Variants in MAP3K5 observed in about 807,000 individuals in gnomAD.
The protein encoded by MAP3K5 is mitogen-activated protein kinase kinase kinase 5.
Under a neutral mutation model 158.7 loss-of-function variants are expected in MAP3K5, and 56 were observed. That is an observed-to-expected ratio of 0.35 (90% CI 0.28 to 0.44). The LOEUF is 0.44. Ranked by LOEUF, MAP3K5 falls within the 20% of genes least tolerant of loss-of-function variation. MAP3K5 has a pLI of 1.00. For missense variants in MAP3K5, 1,294 were observed against 1,674.8 expected (o/e 0.77, Z 3.97); for synonymous variants, 579 against 601.7 (o/e 0.96, Z 0.55).
At chr6:136,687,042 A>G (rs1780179411) in intron 7 of MAP3K5, among the ~76,000 whole-genome samples, 1 of 152,228 alleles carries the variant, frequency 6.6e-6, no homozygotes, top group Non-Finnish European at 1.5e-5. Context: ...GGCTACAGTA[A>G]CCAAAACATC....
At position 136,645,125 on chromosome 6, in the gene MAP3K5, G is replaced by A. The variant is rs185436197; in HGVS notation, c.1789-2556C>T. Among the ~76,000 whole-genome samples the A allele has an allele frequency of 1.4e-3, 215 of 152,082 alleles. 1 individual carries two copies. Among genetic ancestry groups the A allele is most frequent in the African/African-American group, 5.0e-3 (207 of 41,502 alleles). Reference sequence around the variant, plus strand: ...TTTAAATTTTTTTGTAGAGACGGGGGTCTTGCTACATTGCTCAGGCTGGTC... The same window carrying A: ...TTTAAATTTTTTTGTAGAGACGGGGATCTTGCTACATTGCTCAGGCTGGTC... On this transcript the variant is annotated intron_variant, in intron 11 of 29. Coordinates refer to ENST00000359015, the MANE Select transcript of MAP3K5 (RefSeq NM_005923.4).
intron 1 of MAP3K5, among the ~76,000 whole-genome samples, chr6:136,769,764 GAA>G (rs1456989735): frequency 0.062 from 2,446 of 39,670 alleles, 129 homozygotes; most frequent in African/African-American, 0.14. Context: ...AGGAAGGAAG[GAA>G]GGAAGGAAGG....
At chr6:136,588,949 G>A (rs1452085898) in intron 23 of MAP3K5, among the ~76,000 whole-genome samples, 1 of 152,214 alleles carries the variant, frequency 6.6e-6, no homozygotes, top group Admixed American at 6.5e-5. Flanking sequence ...TTGAGAGTGT[G>A]TAGAAAACAC....
At chr6:136,689,682 ACT>A (rs1780306086) in intron 7 of MAP3K5, among the ~76,000 whole-genome samples, 1 of 151,836 alleles carries the variant, frequency 6.6e-6, no homozygotes, top group Non-Finnish European at 1.5e-5. Context: ...CCATTTGCCC[ACT>A]CTCTCTTTCC....
intron 1 of MAP3K5, among the ~76,000 whole-genome samples, chr6:136,759,680 C>T (rs1783658365): frequency 6.6e-6 from 1 of 151,254 alleles, no homozygotes; most frequent in Non-Finnish European, 1.5e-5. Context: ...GCCATATTGC[C>T]CAGGCTCATC....
intron 1 of MAP3K5, among the ~76,000 whole-genome samples, chr6:136,744,044 G>A (rs1298712322): frequency 1.3e-5 from 2 of 152,150 alleles, no homozygotes; most frequent in East Asian, 3.8e-4. Flanking sequence ...AAGATTTTTA[G>A]GGCAGTGCAA....
intron 13 of MAP3K5, among the ~76,000 whole-genome samples, chr6:136,637,893 T>C (rs898710733): frequency 3.3e-5 from 5 of 152,128 alleles, no homozygotes; most frequent in African/African-American, 1.2e-4. Context: ...AAAGTTCCCC[T>C]AACACAACTC....
chr6:136,671,953 A>G lies in MAP3K5; in HGVS notation c.1254-2558T>C, dbSNP rs559510653. ...CTATAGAAATTTTTTAAAACTATGTATAACTCTTAACAATTATACATTTAC... is the reference window on the plus strand; with the variant it reads ...CTATAGAAATTTTTTAAAACTATGTGTAACTCTTAACAATTATACATTTAC... On this transcript the variant is annotated intron_variant, in intron 7 of 29. Coordinates refer to ENST00000359015, the MANE Select transcript of MAP3K5 (RefSeq NM_005923.4). Among the ~76,000 whole-genome samples, 3 of 152,286 alleles carry G rather than the reference A, an allele frequency of 2.0e-5. No individual in the cohort carries two copies. In the East Asian group the frequency reaches 5.8e-4, roughly 29 times the overall value.
chr6:136,683,382 G>C (rs1468194115), intron 7 of MAP3K5, among the ~76,000 whole-genome samples: 1 of 152,182 alleles, frequency 6.6e-6, no homozygotes, highest in Non-Finnish European at 1.5e-5. Context: ...AGCTAATCTG[G>C]GTTGGTCTTG....
chr6:136,646,667 G>A (rs949112890), intron 11 of MAP3K5, among the ~76,000 whole-genome samples: 1 of 152,000 alleles, frequency 6.6e-6, no homozygotes, highest in Admixed American at 6.6e-5. Flanking sequence ...TCCTGCTCTC[G>A]TCTCCATAAT....
intron 1 of MAP3K5, among the ~76,000 whole-genome samples, chr6:136,741,592 T>G (rs1270977138): frequency 6.6e-6 from 1 of 151,216 alleles, no homozygotes; most frequent in Non-Finnish European, 1.5e-5. Flanking sequence ...AGGGCAAAGC[T>G]GTCCCCTGTC....
intron 1 of MAP3K5, among the ~76,000 whole-genome samples, chr6:136,758,856 T>C (rs1228841940): frequency 6.6e-6 from 1 of 152,252 alleles, no homozygotes; most frequent in East Asian, 1.9e-4. Flanking sequence ...TGCCTATGTT[T>C]CTATGAGTCA....
chr6:136,791,431 G>A (rs570658535), intron 1 of MAP3K5, among the ~76,000 whole-genome samples: 1 of 152,206 alleles, frequency 6.6e-6, no homozygotes, highest in East Asian at 1.9e-4. Flanking sequence ...TCACACTGCT[G>A]GAGAACAGTT....
intron 14 of MAP3K5, chr6:136,630,298 G>C (rs1777282002): frequency 6.6e-6 from 1 of 151,804 alleles, no homozygotes. Context: ...AAGCTAAGCA[G>C]AGTTGGGCCC....
chr6:136,748,005 T>G (rs1282639485), intron 1 of MAP3K5, among the ~76,000 whole-genome samples: 1 of 152,202 alleles, frequency 6.6e-6, no homozygotes, highest in African/African-American at 2.4e-5. Flanking sequence ...TTTATTACCA[T>G]GATCTAAGAG....
intron 1 of MAP3K5, among the ~76,000 whole-genome samples, chr6:136,775,850 G>A (rs1374479319): frequency 2.0e-5 from 3 of 152,182 alleles, no homozygotes; most frequent in African/African-American, 7.2e-5. Context: ...ATTCCCTTCT[G>A]GGATCACTTG....
chr6:136,780,513 T>C (rs572568414), intron 1 of MAP3K5, among the ~76,000 whole-genome samples: 13 of 152,330 alleles, frequency 8.5e-5, no homozygotes, highest in African/African-American at 2.9e-4. Context: ...ATTTGGCATA[T>C]GTTTATATTT....
intron 1 of MAP3K5, among the ~76,000 whole-genome samples, chr6:136,729,309 T>A (rs1782105381): frequency 6.6e-6 from 1 of 151,966 alleles, no homozygotes; most frequent in South Asian, 2.1e-4. Flanking sequence ...ATCCCAGTTG[T>A]GTTTCTGGAT....
At chr6:136,720,698 T>C in intron 1 of MAP3K5, 109 bp from the exon 2 acceptor site, 1 of 763,214 alleles carries the variant, frequency 1.3e-6, no homozygotes, top group African/African-American at 1.8e-5. Context: ...AAGGAAACGA[T>C]AGGGATTTTC....
Sources: allele counts gnomAD v4.1 joint callset (sites outside exome capture counted in the v4.1 genomes callset), GRCh38; gene constraint gnomAD v4.1.1; transcripts MANE v1.5; gene names NCBI Gene and HGNC (gene_info 2026-07-23, HGNC 2026-07-21).